The following CDC73 variants were observed in gnomAD, a reference collection of about 807,000 sequenced individuals.
The protein encoded by CDC73 is cell division cycle 73, also known as parafibromin.
CDC73 carries 21 observed loss-of-function variants against 83.7 expected under a neutral mutation model. The observed-to-expected ratio is 0.25, with a 90% CI of 0.18 to 0.36. CDC73 has a LOEUF of 0.36. Ranked by LOEUF, CDC73 falls within the 10% of genes least tolerant of loss-of-function variation. The probability of loss-of-function intolerance (pLI) is 1.00; values close to 1 mark genes in which losing one functional copy is unlikely to be tolerated. For synonymous variants in CDC73, 224 were observed against 212.9 expected (o/e 1.05, Z -0.45); for missense variants, 342 against 653.3 (o/e 0.52, Z 5.19).
At chr1:193,249,910 T>G (rs373684639) in intron 16 of CDC73, 39 bp downstream of exon 16, 1 of 1,604,334 alleles carries the variant, frequency 6.2e-7, no homozygotes, top group African/African-American at 1.3e-5. Context: ...TGTGTTTTAT[T>G]GTAATTTTTC....
At chr1:193,133,244 A>G (rs1675727626) in intron 3 of CDC73, among the ~76,000 whole-genome samples, 1 of 152,130 alleles carries the variant, frequency 6.6e-6, no homozygotes, top group Non-Finnish European at 1.5e-5. Flanking sequence ...TTGCTTTGCC[A>G]CTTTTTAAAA....
intron 13 of CDC73, among the ~76,000 whole-genome samples, chr1:193,216,299 A>T (rs1677366170): frequency 6.6e-6 from 1 of 152,206 alleles, no homozygotes; most frequent in Non-Finnish European, 1.5e-5. Flanking sequence ...AAACCCTCAG[A>T]GACTATGAAC....
In CDC73 at chr1:193,249,878, C is replaced by A. The variant is rs542111225; in HGVS notation, c.1559+7C>A. On this transcript the variant is annotated splice_region_variant and intron_variant, in intron 16 of 16. Coordinates refer to ENST00000367435, the MANE Select transcript of CDC73 (RefSeq NM_024529.5). ...TTTGGGAAACATTGGACAGGTAATT[C>A]CGATTCTAAAATATGCTTGTGTGTG... 20 of 1,611,674 alleles carry A rather than the reference C, an allele frequency of 1.2e-5. No homozygotes were observed. The East Asian group carries it at 3.6e-4, about 29-fold the overall frequency.
chr1:193,167,934 T>C (rs557087041), intron 10 of CDC73, among the ~76,000 whole-genome samples: 1 of 152,236 alleles, frequency 6.6e-6, no homozygotes, highest in Admixed American at 6.5e-5. Flanking sequence ...AATCTTGGCT[T>C]ACTGCAACCT....
intron 1 of CDC73, among the ~76,000 whole-genome samples, chr1:193,123,342 C>T (rs1675500434): frequency 6.6e-6 from 1 of 152,182 alleles, no homozygotes; most frequent in Non-Finnish European, 1.5e-5. Flanking sequence ...ATTCTCTTGC[C>T]TCAGCCTCCT....
At chr1:193,165,564 A>G (rs899318163) in intron 10 of CDC73, among the ~76,000 whole-genome samples, 3 of 152,264 alleles carry the variant, frequency 2.0e-5, no homozygotes, top group African/African-American at 7.2e-5. Flanking sequence ...AATGCAAAGC[A>G]TGAAATATTT....
chr1:193,166,318 G>A (rs998944904), intron 10 of CDC73, among the ~76,000 whole-genome samples: 4 of 152,056 alleles, frequency 2.6e-5, no homozygotes, highest in African/African-American at 7.2e-5. Context: ...GCAATGCCCA[G>A]CTAATTTTGG....
At position 193,150,244 on chromosome 1, in the gene CDC73, A is replaced by C. The variant is rs976460149; in HGVS notation, c.829-60A>C. 3.3e-6 allele frequency: 4 copies of C among 1,215,628 alleles called. No individual in the cohort carries two copies. The Admixed American group carries it at 5.1e-5, about 16-fold the overall frequency. 75.3% of individuals were successfully genotyped at this position (1,215,628 alleles called of 1,614,324 possible). A position where few individuals can be genotyped will look rare whatever the true frequency, so the allele number is the denominator to read the frequency against. ...CATGGTCATGCTACTGCACTCCAGC[A>C]CATTAAATAAGTGACATTTAAAAAT... is the stretch of plus-strand genomic sequence containing the variant. On this transcript the variant is annotated intron_variant, in intron 8 of 16. Coordinates refer to ENST00000367435, the MANE Select transcript of CDC73 (RefSeq NM_024529.5).
intron 15 of CDC73, among the ~76,000 whole-genome samples, chr1:193,242,132 C>A (rs1217860667): frequency 6.9e-6 from 1 of 145,556 alleles, no homozygotes; most frequent in Non-Finnish European, 1.6e-5. Context: ...TCAGGTGCTT[C>A]CCCCACCCCG....
intron 10 of CDC73, among the ~76,000 whole-genome samples, chr1:193,194,665 G>A (rs545885697): frequency 1.3e-4 from 20 of 152,098 alleles, no homozygotes; most frequent in African/African-American, 4.3e-4. Context: ...AGACATGCTT[G>A]GATTTTTGCT....
At chr1:193,205,660 CTA>C (rs775127578) in intron 11 of CDC73, among the ~76,000 whole-genome samples, 5 of 152,086 alleles carry the variant, frequency 3.3e-5, no homozygotes, top group Non-Finnish European at 7.4e-5. Flanking sequence ...GATGACATGA[CTA>C]ATTTTCAGTA....
At position 193,135,582 on chromosome 1, in the gene CDC73, G is replaced by A. The variant is rs1675778391; in HGVS notation, c.416G>A (p.Arg139Gln). The A allele has an allele frequency of 1.2e-6, 2 of 1,609,054 alleles. No homozygotes were observed. The highest frequency in any genetic ancestry group is 1.3e-5 in the African/African-American group (1 of 74,774). Residue 139 changes from arginine to glutamine, a missense_variant, in exon 5 of 17, where the codon CGA (arginine) becomes CAA (glutamine). Coordinates refer to ENST00000367435, the MANE Select transcript of CDC73 (RefSeq NM_024529.5). ...DEVLAEAKKP[R>Q]IEDEECVRLD... ...GTTTTAGCAGAAGCAAAGAAACCAC[G>A]AATTGAGGTAAAGAAACTGTATTTT...
intron 10 of CDC73, among the ~76,000 whole-genome samples, chr1:193,182,149 C>T (rs550259409): frequency 1.3e-5 from 2 of 152,144 alleles, no homozygotes; most frequent in South Asian, 2.1e-4. Context: ...GTGGGACAGA[C>T]GGTGCAAGGT....
chr1:193,155,180 A>G (rs1410784521), intron 10 of CDC73, among the ~76,000 whole-genome samples: 3 of 152,320 alleles, frequency 2.0e-5, no homozygotes, highest in African/African-American at 7.2e-5. Flanking sequence ...TGATAATCAC[A>G]TTTCATAAGA....
chr1:193,205,202 C>CT lies in CDC73; in HGVS notation c.1030+1350_1030+1351insT, dbSNP rs1035044860. ...GCTAGGCTATACCACCTGTCCCCCC[C>CT]CCCCCCTTTTTTTTTAAACTCATCA... On this transcript the variant is annotated intron_variant, in intron 11 of 16. Coordinates refer to ENST00000367435, the MANE Select transcript of CDC73 (RefSeq NM_024529.5). Among the ~76,000 whole-genome samples the CT allele has an allele frequency of 7.2e-4, 85 of 118,314 alleles. 6 individuals carry two copies. The highest frequency in any genetic ancestry group is 2.9e-3 in the African/African-American group (78 of 27,014). The allele number at this position is 118,314 out of a possible 152,430, so 77.6% of individuals were successfully genotyped here. A position where few individuals can be genotyped will look rare whatever the true frequency, so the allele number is the denominator to read the frequency against.
intron 10 of CDC73, among the ~76,000 whole-genome samples, chr1:193,193,801 G>A (rs913307119): frequency 6.6e-5 from 10 of 150,914 alleles, no homozygotes; most frequent in African/African-American, 2.4e-4. Context: ...GTGTGTGTGT[G>A]TGTGTGTGTG....
chr1:193,204,585 G>A (rs372392643), intron 11 of CDC73, among the ~76,000 whole-genome samples: 2 of 151,908 alleles, frequency 1.3e-5, no homozygotes, highest in African/African-American at 2.4e-5. Context: ...CACTGTGCCC[G>A]GCTGATATTC....
At chr1:193,193,780 AGTGTGTGTG>A (rs1676957278) in intron 10 of CDC73, among the ~76,000 whole-genome samples, 1 of 135,838 alleles carries the variant, frequency 7.4e-6, no homozygotes, top group African/African-American at 2.8e-5. Context: ...TCTTACTTGT[AGTGTGTGTG>A]TGTGTGTGTG....
At chr1:193,235,086 C>T (rs1371879901) in intron 14 of CDC73, among the ~76,000 whole-genome samples, 6 of 152,004 alleles carry the variant, frequency 3.9e-5, no homozygotes, top group Non-Finnish European at 5.9e-5. Context: ...AAAGTGTGGT[C>T]TGCAGACCTC....
Sources: allele counts gnomAD v4.1 joint callset (sites outside exome capture counted in the v4.1 genomes callset), GRCh38; gene constraint gnomAD v4.1.1; transcripts MANE v1.5; gene names NCBI Gene and HGNC (gene_info 2026-07-23, HGNC 2026-07-21).